TBC1D22A: variants seen among roughly 807,000 people sequenced by gnomAD.
TBC1D22A encodes putative GTPase activator.
Under a neutral mutation model 60.2 loss-of-function variants are expected in TBC1D22A, and 38 were observed. That is an observed-to-expected ratio of 0.63 (90% confidence interval 0.49 to 0.83). The LOEUF (loss-of-function observed/expected upper bound fraction) is 0.83. Among genes scored for constraint, TBC1D22A ranks in the 40% least tolerant of loss-of-function variants. The pLI is 0.00. For missense variants in TBC1D22A, 628 were observed against 701.0 expected (o/e 0.90, Z 1.18); for synonymous variants, 302 against 281.7 (o/e 1.07, Z -0.72).
intron 4 of TBC1D22A, among the ~76,000 whole-genome samples, chr22:46,866,838 T>C (rs775207133): frequency 6.6e-6 from 1 of 152,274 alleles, no homozygotes; most frequent in Non-Finnish European, 1.5e-5. Flanking sequence ...GTTAACTTGC[T>C]GTGATCCGCA....
intron 4 of TBC1D22A, among the ~76,000 whole-genome samples, chr22:46,803,723 G>T (rs972033202): frequency 3.9e-5 from 6 of 152,220 alleles, no homozygotes; most frequent in Non-Finnish European, 7.3e-5. Flanking sequence ...ACTCGGCCTT[G>T]CCCTGGCGTC....
rs1017053404 is a variant in TBC1D22A, at chr22:46,895,429, A to G, written c.900+583A>G. On this transcript the variant is annotated intron_variant, in intron 7 of 12. Transcript: ENST00000337137. ...TGCTCTGTCGCCCAGGCTGGAGTAC[A>G]GTGGTATGATCTCGGCTCACTGCCA... 2.0e-5 allele frequency among the ~76,000 whole-genome samples: 3 copies of G among 152,022 alleles called. No homozygotes were observed. In the South Asian group the frequency reaches 6.2e-4, roughly 32 times the overall value.
chr22:47,150,115 G>A (rs371010324), intron 12 of TBC1D22A, among the ~76,000 whole-genome samples: 2 of 152,302 alleles, frequency 1.3e-5, no homozygotes, highest in Admixed American at 6.5e-5. Flanking sequence ...AAGCCTGTTA[G>A]AGTCCATGAG....
chr22:46,813,837 C>T (rs1307150501), intron 4 of TBC1D22A, among the ~76,000 whole-genome samples: 2 of 152,346 alleles, frequency 1.3e-5, no homozygotes, highest in East Asian at 3.9e-4. Flanking sequence ...AGGACTGGGG[C>T]AGGGGTTCCA....
intron 4 of TBC1D22A, among the ~76,000 whole-genome samples, chr22:46,858,582 G>T (rs1359023310): frequency 1.3e-5 from 2 of 152,216 alleles, no homozygotes; most frequent in Admixed American, 1.3e-4. Context: ...CTGCAGAGGC[G>T]CCTGCAGGCA....
chr22:47,010,761 C>T (rs1015434640), intron 10 of TBC1D22A, among the ~76,000 whole-genome samples: 5 of 152,142 alleles, frequency 3.3e-5, no homozygotes, highest in African/African-American at 1.2e-4. Context: ...ATTTAATGTG[C>T]TTTCCATTGA....
chr22:46,949,610 T>A (rs750071774), intron 8 of TBC1D22A, among the ~76,000 whole-genome samples: 6 of 152,212 alleles, frequency 3.9e-5, no homozygotes, highest in Non-Finnish European at 7.3e-5. Flanking sequence ...GGATCTCTTG[T>A]TAGCAAATTT....
intron 11 of TBC1D22A, among the ~76,000 whole-genome samples, chr22:47,083,618 C>T (rs909715930): frequency 6.6e-6 from 1 of 152,296 alleles, no homozygotes; most frequent in Admixed American, 6.5e-5. Context: ...CCAGGGGAGG[C>T]TCCTTACCCT....
intron 8 of TBC1D22A, among the ~76,000 whole-genome samples, chr22:46,972,847 C>A (rs1010598171): frequency 4.6e-5 from 7 of 152,182 alleles, no homozygotes; most frequent in African/African-American, 1.7e-4. Context: ...AGGGTCCACC[C>A]CCAGCACCCC....
intron 11 of TBC1D22A, among the ~76,000 whole-genome samples, chr22:47,057,250 C>T (rs981085122): frequency 1.3e-5 from 2 of 152,246 alleles, no homozygotes; most frequent in African/African-American, 4.8e-5. Context: ...GGCTGGGGTT[C>T]TCTCCTTGTT....
chr22:47,101,664 A>G (rs1440908274), intron 11 of TBC1D22A, among the ~76,000 whole-genome samples: 3 of 152,204 alleles, frequency 2.0e-5, no homozygotes, highest in Non-Finnish European at 4.4e-5. Context: ...TAGGGCTGTA[A>G]CAGACCGGCG....
chr22:46,820,471 C>T (rs895722475), intron 4 of TBC1D22A, among the ~76,000 whole-genome samples: 18 of 152,268 alleles, frequency 1.2e-4, no homozygotes, highest in African/African-American at 4.1e-4. Context: ...TTTTTGATTT[C>T]TGCCTTAATT....
chr22:47,040,610 G>T (rs1321550852), intron 11 of TBC1D22A, among the ~76,000 whole-genome samples: 3 of 152,110 alleles, frequency 2.0e-5, no homozygotes, highest in Non-Finnish European at 4.4e-5. Context: ...CACAGTGGGC[G>T]ATCCCTGGGT....
At chr22:46,874,061 C>T (rs1045624440) in intron 4 of TBC1D22A, among the ~76,000 whole-genome samples, 6 of 152,182 alleles carry the variant, frequency 3.9e-5, no homozygotes, top group South Asian at 2.1e-4. Context: ...CGGCCTGCCT[C>T]GGCCTCCCAA....
intron 12 of TBC1D22A, among the ~76,000 whole-genome samples, chr22:47,166,218 G>A (rs1159280558): frequency 1.7e-4 from 26 of 152,152 alleles, no homozygotes; most frequent in Admixed American, 1.7e-3. Flanking sequence ...GGGTCCAGGG[G>A]AGGGAAGCAC....
intron 11 of TBC1D22A, 126 bp from the exon 12 acceptor site, chr22:47,111,382 G>A (rs761048791): frequency 2.6e-6 from 2 of 760,960 alleles, no homozygotes; most frequent in Non-Finnish European, 4.3e-6. Flanking sequence ...GTAAAAGTGA[G>A]TCAACACAAG....
At chr22:47,042,994 C>A (rs998235162) in intron 11 of TBC1D22A, among the ~76,000 whole-genome samples, 1 of 152,200 alleles carries the variant, frequency 6.6e-6, no homozygotes, top group South Asian at 2.1e-4. Flanking sequence ...ACCTTGGGCC[C>A]CGAATCACTC....
intron 12 of TBC1D22A, among the ~76,000 whole-genome samples, chr22:47,169,423 CTT>C (rs968946295): frequency 1.4e-4 from 22 of 152,184 alleles, no homozygotes; most frequent in Non-Finnish European, 1.5e-5. Flanking sequence ...AGGTCAGTTG[CTT>C]GGGCTGGGGC....
At chr22:46,967,217 T>A (rs573676529) in intron 8 of TBC1D22A, among the ~76,000 whole-genome samples, 3 of 152,324 alleles carry the variant, frequency 2.0e-5, no homozygotes, top group Admixed American at 1.3e-4. Flanking sequence ...AGCCATTTGA[T>A]CATAACGTTA....
Sources: gnomAD v4.1 joint callset for allele counts (sites outside exome capture counted in the v4.1 genomes callset) on GRCh38, gnomAD v4.1.1 for gene constraint, MANE v1.5 for transcripts, NCBI Gene and HGNC (gene_info 2026-07-23, HGNC 2026-07-21) for gene names.